LANCL3: variants seen among roughly 807,000 people sequenced by gnomAD.
The protein encoded by LANCL3 is LanC like family member 3.
LANCL3 carries 19 observed loss-of-function variants against 26.5 expected under a neutral mutation model. The observed-to-expected ratio is 0.72, with a 90% confidence interval of 0.50 to 1.05. LANCL3 has a LOEUF of 1.05. LANCL3 is among the 50% of genes least tolerant of loss of function. LANCL3 has a pLI of 0.00. For missense variants in LANCL3, 318 were observed against 362.7 expected (o/e 0.88, Z 1.00); for synonymous variants, 160 against 166.6 (o/e 0.96, Z 0.30).
At chrX:37,672,518 C>T (rs1926708585) in intron 4 of LANCL3, among the ~76,000 whole-genome samples, 1 of 111,718 alleles carries the variant, frequency 9.0e-6, no homozygotes, top group Admixed American at 9.5e-5. Flanking sequence ...AGTTGCCTGC[C>T]CAGGGTCAGG....
intron 1 of LANCL3, among the ~76,000 whole-genome samples, chrX:37,583,776 G>C (rs1447800535): frequency 2.7e-5 from 3 of 112,116 alleles, no homozygotes; most frequent in Non-Finnish European, 5.6e-5. Flanking sequence ...GGGACAATTT[G>C]ACTTCCTCTT....
intron 1 of LANCL3, among the ~76,000 whole-genome samples, chrX:37,585,771 G>T (rs1281659800): frequency 2.7e-5 from 3 of 111,616 alleles, no homozygotes; most frequent in African/African-American, 9.8e-5. Flanking sequence ...CTGTGTCTTT[G>T]AATTGGAGCA....
intron 1 of LANCL3, among the ~76,000 whole-genome samples, chrX:37,628,820 A>G (rs374710844): frequency 3.7e-5 from 4 of 109,427 alleles, no homozygotes; most frequent in Non-Finnish European, 5.7e-5. Flanking sequence ...GTGTATATGT[A>G]CCACATTTTC....
intron 2 of LANCL3, among the ~76,000 whole-genome samples, chrX:37,658,431 C>G (rs1926338372): frequency 8.9e-6 from 1 of 112,179 alleles, no homozygotes; most frequent in South Asian, 3.7e-4. Flanking sequence ...TCAGGCAGGA[C>G]AAACTAATTA....
At chrX:37,608,441 C>G (rs1342225629) in intron 1 of LANCL3, among the ~76,000 whole-genome samples, 3 of 111,352 alleles carry the variant, frequency 2.7e-5, no homozygotes, top group African/African-American at 9.8e-5. Context: ...CTCCAGTGAT[C>G]ACACTGAGAA....
At chrX:37,577,619 T>G (rs1260274784) in intron 1 of LANCL3, among the ~76,000 whole-genome samples, 1 of 112,348 alleles carries the variant, frequency 8.9e-6, no homozygotes, top group Non-Finnish European at 1.9e-5. Flanking sequence ...GGAGACTGGT[T>G]TGGAAGTTGC....
rs1394523812 is a variant in LANCL3, at chrX:37,678,127, C to T, written c.*2314C>T. ...AGCAAAGACCATGTTTGAGTATTGT[C>T]TTTATGAAATGACATTTCGGTAAAT... On this transcript the variant is annotated 3_prime_UTR_variant, in exon 5 of 5. Coordinates refer to ENST00000378619, the MANE Select transcript of LANCL3 (RefSeq NM_001170331.2). The T allele has an allele frequency of 4.5e-5, 5 of 111,976 alleles. No homozygotes were observed. Among genetic ancestry groups the T allele is most frequent in the African/African-American group, 1.6e-4 (5 of 30,878 alleles). 9.2% of individuals were successfully genotyped at this position (111,976 alleles called of 1,213,427 possible). A position where few individuals can be genotyped will look rare whatever the true frequency, so the allele number is the denominator to read the frequency against.
intron 1 of LANCL3, among the ~76,000 whole-genome samples, chrX:37,625,948 A>C (rs1925303878): frequency 8.9e-6 from 1 of 111,803 alleles, no homozygotes; most frequent in Non-Finnish European, 1.9e-5. Context: ...ATGTTTCAAG[A>C]CAAGACAAAC....
chrX:37,576,134 G>A (rs1923738972), intron 1 of LANCL3, among the ~76,000 whole-genome samples: 2 of 111,653 alleles, frequency 1.8e-5, no homozygotes, highest in African/African-American at 6.5e-5. Flanking sequence ...TATCTAATTT[G>A]TTTCTTCCTT....
intron 1 of LANCL3, among the ~76,000 whole-genome samples, chrX:37,601,941 A>G (rs782346917): frequency 4.3e-4 from 48 of 112,016 alleles, no homozygotes; most frequent in Non-Finnish European, 6.6e-4. Flanking sequence ...AGAGATTGCT[A>G]CTGGGTAGGC....
intron 4 of LANCL3, among the ~76,000 whole-genome samples, chrX:37,670,989 T>C (rs1556435953): frequency 1.8e-5 from 2 of 111,674 alleles, no homozygotes; most frequent in Non-Finnish European, 3.8e-5. Context: ...TTATTACTGG[T>C]ATTTATGGAA....
At chrX:37,591,597 A>G (rs1170824334) in intron 1 of LANCL3, among the ~76,000 whole-genome samples, 1 of 110,633 alleles carries the variant, frequency 9.0e-6, no homozygotes, top group Non-Finnish European at 1.9e-5. Context: ...AGTGAATGGA[A>G]GGAAATGAAG....
intron 2 of LANCL3, among the ~76,000 whole-genome samples, chrX:37,658,168 C>A (rs1356094090): frequency 2.7e-5 from 3 of 112,321 alleles, no homozygotes; most frequent in African/African-American, 6.5e-5. Flanking sequence ...CTGTATGGAA[C>A]CTTCAGCATC....
chrX:37,584,030 G>C (rs1556417444), intron 1 of LANCL3, among the ~76,000 whole-genome samples: 1 of 111,731 alleles, frequency 9.0e-6, no homozygotes, highest in African/African-American at 3.3e-5. Flanking sequence ...AACATGAAGG[G>C]CTGTTTAATT....
At chrX:37,632,885 C>T (rs5918015) in intron 1 of LANCL3, among the ~76,000 whole-genome samples, 1 of 111,624 alleles carries the variant, frequency 9.0e-6, no homozygotes, top group Non-Finnish European at 1.9e-5. Context: ...CTGCCCTTAA[C>T]ATTTTTTCCT....
rs1556437000 is a variant in LANCL3, at chrX:37,675,751, T to C, written c.1201T>C (p.Phe401Leu). 7.0e-5 allele frequency: 82 copies of C among 1,163,144 alleles called. No homozygotes were observed. The highest frequency in any genetic ancestry group is 9.2e-5 in the Non-Finnish European group (80 of 870,067). ...LYEGFSGTVCFLIDLLQPNQA... is the reference protein window; with the variant it reads ...LYEGFSGTVCLLIDLLQPNQA... ...TGAAGGCTTCTCTGGGACAGTGTGCTTTCTGATTGACCTGCTGCAGCCCAA... is the reference window on the plus strand; with the variant it reads ...TGAAGGCTTCTCTGGGACAGTGTGCCTTCTGATTGACCTGCTGCAGCCCAA... Residue 401 changes from phenylalanine to leucine, a missense_variant, in exon 5 of 5, where the codon TTT becomes CTT. By Grantham distance (22) the Phe-to-Leu change is conservative. Coordinates refer to ENST00000378619, the MANE Select transcript of LANCL3 (RefSeq NM_001170331.2).
Position 37,659,619 on chromosome X carries a change from G to A in LANCL3, c.855G>A (p.Glu285=). ...NWPPELGETI[E]RENELVHWCH... ...CACCTGAGCTCGGCGAGACCATCGA[G>A]AGAGAGAATGAGCTGGTGCACTGGT... The change falls in exon 3 of 5, where the codon GAG becomes GAA. Residue 285 remains glutamate (E), a synonymous_variant. Transcript: ENST00000378619. 8.3e-7 allele frequency: 1 copy of A among 1,210,781 alleles called. No homozygotes were observed. Among genetic ancestry groups the A allele is most frequent in the East Asian group, 3.0e-5 (1 of 33,827 alleles).
intron 1 of LANCL3, among the ~76,000 whole-genome samples, chrX:37,598,128 TG>T (rs1924487169): frequency 9.0e-6 from 1 of 111,707 alleles, no homozygotes; most frequent in African/African-American, 3.3e-5. Context: ...GTCTTTTAAC[TG>T]TGTTGATGGT....
At chrX:37,643,531 C>G (rs782774705) in intron 1 of LANCL3, among the ~76,000 whole-genome samples, 1 of 111,977 alleles carries the variant, frequency 8.9e-6, no homozygotes, top group Non-Finnish European at 1.9e-5. Flanking sequence ...ATAGTTAGTT[C>G]GTATCTAGAA....
Sources: gnomAD v4.1 joint callset for allele counts (sites outside exome capture counted in the v4.1 genomes callset) on GRCh38, gnomAD v4.1.1 for gene constraint, MANE v1.5 for transcripts, NCBI Gene and HGNC (gene_info 2026-07-23, HGNC 2026-07-21) for gene names.